The following TRAPPC9 variants were observed in gnomAD, a reference collection of about 807,000 sequenced individuals.
TRAPPC9 encodes trafficking protein particle complex subunit 9.
Under a neutral mutation model 124.0 loss-of-function variants are expected in TRAPPC9, and 83 were observed. That is an observed-to-expected ratio of 0.67 (90% CI 0.56 to 0.80). The LOEUF (loss-of-function observed/expected upper bound fraction) is 0.80, where lower values mean the gene tolerates loss of function less well. TRAPPC9 is among the 30% of genes least tolerant of loss of function. The pLI, the probability that TRAPPC9 is intolerant of heterozygous loss-of-function variation, is 0.00. For synonymous variants in TRAPPC9, 638 were observed against 617.5 expected (o/e 1.03, Z -0.49); for missense variants, 1,302 against 1,508.3 (o/e 0.86, Z 2.27).
intron 17 of TRAPPC9, among the ~76,000 whole-genome samples, chr8:140,058,836 G>A (rs1485970639): frequency 1.3e-5 from 2 of 152,212 alleles, no homozygotes; most frequent in African/African-American, 4.8e-5. Flanking sequence ...CCATGATGGA[G>A]AAAGAGCTGG....
intron 12 of TRAPPC9, among the ~76,000 whole-genome samples, chr8:140,288,216 ACCTGTGGTC>A (rs1386991756): frequency 1.3e-5 from 2 of 152,114 alleles, no homozygotes; most frequent in African/African-American, 2.4e-5. Context: ...GGTGGCACGC[ACCTGTGGTC>A]CCAACTACTT....
intron 15 of TRAPPC9, among the ~76,000 whole-genome samples, chr8:140,262,375 G>A (rs1021682427): frequency 4.0e-5 from 6 of 150,802 alleles, no homozygotes; most frequent in Admixed American, 1.3e-4. Context: ...CTCCCGAGGC[G>A]TTGAACATGA....
At chr8:140,359,845 C>T (rs564331985) in intron 9 of TRAPPC9, among the ~76,000 whole-genome samples, 15 of 151,932 alleles carry the variant, frequency 9.9e-5, no homozygotes, top group East Asian at 7.7e-4. Context: ...GGCGTGAAGG[C>T]GGGAGGAGGT....
At chr8:140,015,463 C>T (rs146158576) in intron 18 of TRAPPC9, among the ~76,000 whole-genome samples, 5 of 152,226 alleles carry the variant, frequency 3.3e-5, no homozygotes, top group African/African-American at 7.2e-5. Context: ...GGCCAAGAGC[C>T]GAAAATGCAT....
chr8:140,197,755 GAACAA>G (rs1312595523), intron 17 of TRAPPC9, among the ~76,000 whole-genome samples: 1 of 151,932 alleles, frequency 6.6e-6, no homozygotes, highest in African/African-American at 2.4e-5. Context: ...AAAGAGAACA[GAACAA>G]AAGAAAACAA....
chr8:140,177,405 C>T (rs536434111), intron 17 of TRAPPC9, among the ~76,000 whole-genome samples: 65 of 152,212 alleles, frequency 4.3e-4, no homozygotes, highest in African/African-American at 1.5e-3. Context: ...CAATCCTTCC[C>T]CCTTTGAATT....
intron 11 of TRAPPC9, among the ~76,000 whole-genome samples, chr8:140,299,589 G>A (rs2065907709): frequency 6.6e-6 from 1 of 152,260 alleles, no homozygotes; most frequent in Admixed American, 6.5e-5. Context: ...GGCCCTCAAG[G>A]TTCTGTCACA....
At chr8:140,340,487 C>A (rs2067163977) in intron 9 of TRAPPC9, among the ~76,000 whole-genome samples, 2 of 152,230 alleles carry the variant, frequency 1.3e-5, no homozygotes, top group African/African-American at 4.8e-5. Flanking sequence ...GTGAAGTAAG[C>A]AAACACACCA....
chr8:140,376,050 A>T (rs2068428293), intron 7 of TRAPPC9, among the ~76,000 whole-genome samples: 1 of 152,210 alleles, frequency 6.6e-6, no homozygotes, highest in Non-Finnish European at 1.5e-5. Context: ...TGTTAAAAAC[A>T]TAACCTACTT....
intron 9 of TRAPPC9, among the ~76,000 whole-genome samples, chr8:140,337,957 G>A (rs371086698): frequency 7.2e-5 from 11 of 152,252 alleles, no homozygotes; most frequent in African/African-American, 2.4e-4. Flanking sequence ...CCTGCAAAAC[G>A]GGGTTGTCTG....
chr8:139,908,274 T>C (rs952940079), intron 20 of TRAPPC9, among the ~76,000 whole-genome samples: 1 of 152,178 alleles, frequency 6.6e-6, no homozygotes, highest in African/African-American at 2.4e-5. Flanking sequence ...CCTCCACTGG[T>C]GCTGCTGGCG....
chr8:139,896,578 C>T (rs1258110836), intron 20 of TRAPPC9, among the ~76,000 whole-genome samples: 1 of 152,176 alleles, frequency 6.6e-6, no homozygotes, highest in Admixed American at 6.5e-5. Flanking sequence ...GTGGCAGGGG[C>T]CAGGCTTGAA....
At chr8:139,935,589 G>A (rs1587271312) in intron 19 of TRAPPC9, among the ~76,000 whole-genome samples, 1 of 151,434 alleles carries the variant, frequency 6.6e-6, no homozygotes, top group Non-Finnish European at 1.5e-5. Flanking sequence ...AGAGCTCCAA[G>A]CTGGGAAACA....
chr8:139,933,320 T>C (rs919316563), intron 19 of TRAPPC9: 1 of 152,180 alleles, frequency 6.6e-6, no homozygotes, highest in Non-Finnish European at 1.5e-5. Context: ...AATCAATGAG[T>C]ATGGAAACTA....
At chr8:139,813,863 G>A (rs1348852177) in intron 21 of TRAPPC9, among the ~76,000 whole-genome samples, 1 of 152,010 alleles carries the variant, frequency 6.6e-6, no homozygotes, top group African/African-American at 2.4e-5. Flanking sequence ...ACGGCACCGG[G>A]GGTGAGGTGA....
chr8:140,453,878 C>T (rs1042746294), intron 1 of TRAPPC9, among the ~76,000 whole-genome samples: 16 of 152,188 alleles, frequency 1.1e-4, no homozygotes, highest in South Asian at 2.1e-4. Flanking sequence ...GAGACTGGAG[C>T]GCTCATGTTT....
intron 17 of TRAPPC9, among the ~76,000 whole-genome samples, chr8:140,156,401 G>A (rs775561777): frequency 7.2e-5 from 11 of 152,222 alleles, no homozygotes; most frequent in South Asian, 2.1e-4. Flanking sequence ...GGGATCCTGC[G>A]AGGCTCAAAT....
At chr8:139,929,571 G>A (rs1001390268) in intron 19 of TRAPPC9, among the ~76,000 whole-genome samples, 1 of 151,924 alleles carries the variant, frequency 6.6e-6, no homozygotes, top group Non-Finnish European at 1.5e-5. Context: ...TCAGTTCTTG[G>A]CTTTGGTTTT....
At chr8:140,287,494 A>T (rs1232895135) in intron 13 of TRAPPC9, 114 bp downstream of exon 13, 1 of 1,407,176 alleles carries the variant, frequency 7.1e-7, no homozygotes, top group Non-Finnish European at 1.0e-6. Flanking sequence ...GGTCTTCATT[A>T]TCTTCTAACT....
Sources: allele counts gnomAD v4.1 joint callset (sites outside exome capture counted in the v4.1 genomes callset), GRCh38; gene constraint gnomAD v4.1.1; transcripts MANE v1.5; gene names NCBI Gene and HGNC (gene_info 2026-07-23, HGNC 2026-07-21).